RNLS: variants seen among roughly 807,000 people sequenced by gnomAD.
RNLS encodes the protein renalase.
Under a neutral mutation model 39.8 loss-of-function variants are expected in RNLS, and 39 were observed. The observed-to-expected ratio is 0.98, with a 90% confidence interval of 0.76 to 1.28. RNLS has a LOEUF of 1.28. Ranked by LOEUF, RNLS falls within the 50% of genes most tolerant of loss-of-function variation. RNLS has a pLI of 0.00. For synonymous variants in RNLS, 147 were observed against 150.7 expected, an observed-to-expected ratio of 0.98 and a Z score of 0.18; for missense variants, 410 against 413.3, an observed-to-expected ratio of 0.99 and a Z score of 0.07.
At chr10:88,367,112 A>G (rs1249765438) in intron 4 of RNLS, among the ~76,000 whole-genome samples, 4 of 152,090 alleles carry the variant, frequency 2.6e-5, no homozygotes, top group African/African-American at 9.7e-5. Context: ...TTTAACATAC[A>G]TAGAGAAAAT....
intron 4 of RNLS, among the ~76,000 whole-genome samples, chr10:88,432,765 G>C (rs1385026857): frequency 6.6e-6 from 1 of 151,904 alleles, no homozygotes; most frequent in East Asian, 1.9e-4. Context: ...ATTTTTGGAG[G>C]GGCATTCTAT....
At chr10:88,415,944 C>T (rs1170055647) in intron 4 of RNLS, among the ~76,000 whole-genome samples, 1 of 152,202 alleles carries the variant, frequency 6.6e-6, no homozygotes, top group Admixed American at 6.5e-5. Context: ...TTCTGTGGGT[C>T]TGATCTGTGG....
At chr10:88,401,233 T>C (rs1043465905) in intron 4 of RNLS, among the ~76,000 whole-genome samples, 2 of 152,052 alleles carry the variant, frequency 1.3e-5, no homozygotes, top group Admixed American at 6.6e-5. Context: ...AAAATCAACA[T>C]GCTTTCCATA....
intron 5 of RNLS, among the ~76,000 whole-genome samples, chr10:88,348,111 T>C (rs769158388): frequency 3.8e-4 from 58 of 152,278 alleles, no homozygotes; most frequent in Non-Finnish European, 6.2e-4. Flanking sequence ...TGTCTTTACA[T>C]TGGCCATCCC....
At chr10:88,187,370 A>G in the RNLS span, among the ~76,000 whole-genome samples, 10 of 151,784 alleles carry the variant, frequency 6.6e-5, no homozygotes, top group African/African-American at 2.4e-4. Context: ...ATCGAGAATT[A>G]ACCTCCAACT....
chr10:88,410,082 A>C (rs928125013), intron 4 of RNLS, among the ~76,000 whole-genome samples: 4 of 152,220 alleles, frequency 2.6e-5, no homozygotes, highest in African/African-American at 9.6e-5. Context: ...AACAGGCTGG[A>C]TTTGGCCCAC....
chr10:88,195,125 G>T, the RNLS span, among the ~76,000 whole-genome samples: 2 of 152,118 alleles, frequency 1.3e-5, no homozygotes, highest in African/African-American at 2.4e-5. Context: ...CAAAATGCTT[G>T]GTCTGTGCGT....
In RNLS at chr10:88,450,520, C is replaced by T. The variant is rs190907213; in HGVS notation, c.527-87795G>A. Among the ~76,000 whole-genome samples the T allele has an allele frequency of 2.6e-4, 39 of 152,170 alleles. No individual in the cohort carries two copies. In the East Asian group the frequency reaches 7.3e-3, roughly 29 times the overall value. ...GGAAGGTCCATAAGTACTGAGAAGG[C>T]CATAAAACCGGAAGTCAAAGGAGGA... On this transcript the variant is annotated intron_variant, in intron 4 of 6. Coordinates refer to ENST00000331772, the MANE Select transcript of RNLS (RefSeq NM_001031709.3).
At chr10:88,244,374 G>A in the RNLS span, among the ~76,000 whole-genome samples, 26 of 152,064 alleles carry the variant, frequency 1.7e-4, no homozygotes, top group Admixed American at 5.9e-4. Context: ...AGGAGGCAAC[G>A]CCCCCCCATA....
intron 4 of RNLS, among the ~76,000 whole-genome samples, chr10:88,428,124 A>G (rs1429313309): frequency 1.3e-5 from 2 of 152,116 alleles, no homozygotes; most frequent in East Asian, 3.9e-4. Context: ...AAAGATCTGT[A>G]TGTTAGCATT....
chr10:88,398,224 G>A (rs1265018893), intron 4 of RNLS, among the ~76,000 whole-genome samples: 1 of 152,088 alleles, frequency 6.6e-6, no homozygotes, highest in Non-Finnish European at 1.5e-5. Context: ...GAGGAAAAGG[G>A]AAAATTGTGA....
At chr10:88,418,831 TGG>T in intron 4 of RNLS, among the ~76,000 whole-genome samples, 1 of 152,304 alleles carries the variant, frequency 6.6e-6, no homozygotes, top group South Asian at 2.1e-4. Context: ...TCTTTACAAA[TGG>T]TATGGAGAAC....
chr10:88,309,262 C>T, intron 6 of RNLS: 2 of 244,652 alleles, frequency 8.2e-6, no homozygotes, highest in Non-Finnish European at 1.3e-5. Context: ...TGCACGCGTA[C>T]CCCTGAACTT....
chr10:88,369,416 C>T (rs1290813411), intron 4 of RNLS, among the ~76,000 whole-genome samples: 1 of 152,144 alleles, frequency 6.6e-6, no homozygotes, highest in Non-Finnish European at 1.5e-5. Flanking sequence ...AGGTAGGAGA[C>T]AGAGGCTGGG....
the RNLS span, among the ~76,000 whole-genome samples, chr10:88,231,402 A>G: frequency 9.8e-5 from 15 of 152,334 alleles, 1 homozygote; most frequent in African/African-American, 3.4e-4. Context: ...TTGGAATTCT[A>G]GCATCCAGAA....
At chr10:88,257,279 A>T in the RNLS span, among the ~76,000 whole-genome samples, 1 of 152,204 alleles carries the variant, frequency 6.6e-6, no homozygotes, top group African/African-American at 2.4e-5. Context: ...AATGATTGTA[A>T]AACAATTTTA....
At chr10:88,306,682 A>T (rs908966390) in intron 6 of RNLS, among the ~76,000 whole-genome samples, 1 of 152,174 alleles carries the variant, frequency 6.6e-6, no homozygotes, top group African/African-American at 2.4e-5. Context: ...TTGAGTCAGT[A>T]ACAAGTAGCC....
chr10:88,453,031 TGGA>T (rs1365230112), intron 4 of RNLS, among the ~76,000 whole-genome samples: 1 of 152,112 alleles, frequency 6.6e-6, no homozygotes, highest in Non-Finnish European at 1.5e-5. Context: ...GGTTGGATAG[TGGA>T]GGAGAAGGAT....
chr10:88,321,049 C>T (rs1016340600), intron 5 of RNLS, among the ~76,000 whole-genome samples: 5 of 151,614 alleles, frequency 3.3e-5, no homozygotes, highest in African/African-American at 1.2e-4. Context: ...TATGATTGGC[C>T]ATATAGCAAA....
Sources: allele counts gnomAD v4.1 joint callset (sites outside exome capture counted in the v4.1 genomes callset), GRCh38; gene constraint gnomAD v4.1.1; transcripts MANE v1.5; gene names NCBI Gene and HGNC (gene_info 2026-07-23, HGNC 2026-07-21).